AJUBA: variants seen among roughly 807,000 people sequenced by gnomAD.
AJUBA encodes LIM domain-containing protein ajuba.
Under a neutral mutation model 53.3 loss-of-function variants are expected in AJUBA, and 20 were observed. That is an observed-to-expected ratio of 0.38 (90% confidence interval 0.26 to 0.55). The LOEUF (loss-of-function observed/expected upper bound fraction) is 0.55. AJUBA is among the 20% of genes least tolerant of loss of function. AJUBA has a pLI of 0.80. For missense variants in AJUBA, 580 were observed against 730.5 expected (o/e 0.79, Z 2.38); for synonymous variants, 296 against 306.2 (o/e 0.97, Z 0.35).
rs2045113392 is a variant in AJUBA, at chr14:22,982,466, T to C, written c.-200A>G. 7.0e-7 allele frequency: 1 copy of C among 1,426,022 alleles called. No individual in the cohort carries two copies. Among genetic ancestry groups the C allele is most frequent in the Admixed American group, 3.0e-5 (1 of 33,534 alleles). The allele number at this position is 1,426,022 out of a possible 1,614,324, so 88.3% of individuals were successfully genotyped here. A position where few individuals can be genotyped will look rare whatever the true frequency, so the allele number is the denominator to read the frequency against. On this transcript the variant is annotated 5_prime_UTR_variant, in exon 1 of 8. It removes an upstream start codon present in the reference 5' UTR. Coordinates refer to ENST00000262713, the MANE Select transcript of AJUBA (RefSeq NM_032876.6). ...GGGAGGGGCTGCGTCCCCCCGCGCATCTGGGGCTGAGCGGGGCTAGCAGGG... is the reference window on the plus strand; with the variant it reads ...GGGAGGGGCTGCGTCCCCCCGCGCACCTGGGGCTGAGCGGGGCTAGCAGGG...
intron 2 of AJUBA, among the ~76,000 whole-genome samples, chr14:22,978,084 C>T (rs920150876): frequency 5.3e-5 from 8 of 150,790 alleles, no homozygotes; most frequent in Admixed American, 1.3e-4. Flanking sequence ...CAGGGAAGCA[C>T]GAGAGGGAGA....
rs1403174764 is a variant in AJUBA at position 22,971,584 on chromosome 14, A to G, written c.*1859T>C. The stretch of plus-strand genomic sequence containing the variant: ...AATCTGCAGCATTTCAAAAGGATTT[A>G]GCAGATTCACCCTTTTAGTTATTAC... On this transcript the variant is annotated 3_prime_UTR_variant, in exon 8 of 8. Transcript: ENST00000262713. 1.3e-5 allele frequency: 2 copies of G among 152,260 alleles called. No homozygotes were observed. Among genetic ancestry groups the G allele is most frequent in the African/African-American group, 2.4e-5 (1 of 41,480 alleles). The allele number at this position is 152,260 out of a possible 1,614,324, so 9.4% of individuals were successfully genotyped here.
At chr14:22,973,898 CA>C in intron 7 of AJUBA, 148 bp downstream of exon 7, 5 of 973,726 alleles carry the variant, frequency 5.1e-6, no homozygotes, top group Admixed American at 1.9e-5. Flanking sequence ...GGCTGGAGGA[CA>C]AAAAAGAGAC....
chr14:22,975,166 T>C (rs2045023259), intron 4 of AJUBA, 62 bp from the exon 5 acceptor site: 1 of 1,574,704 alleles, frequency 6.4e-7, no homozygotes, highest in South Asian at 1.1e-5. Flanking sequence ...AGCTGCCCAT[T>C]ATGCTCCTTA....
At position 22,971,510 on chromosome 14, in the gene AJUBA, C is replaced by T. The variant is rs933053491; in HGVS notation, c.*1933G>A. On this transcript the variant is annotated 3_prime_UTR_variant, in exon 8 of 8. Coordinates refer to ENST00000262713, the MANE Select transcript of AJUBA (RefSeq NM_032876.6). Reference sequence around the variant, plus strand: ...ATCAAAGATTACTAAATTAATTTGCCTAAAACCAATTCACCTAAAACCAAT... The same window carrying T: ...ATCAAAGATTACTAAATTAATTTGCTTAAAACCAATTCACCTAAAACCAAT... 1 of 152,158 alleles carries T rather than the reference C, an allele frequency of 6.6e-6. No homozygotes were observed. Among genetic ancestry groups the T allele is most frequent in the African/African-American group, 2.4e-5 (1 of 41,436 alleles). 9.4% of individuals were successfully genotyped at this position (152,158 alleles called of 1,614,324 possible).
Position 22,973,572 on chromosome 14 carries a change from G to A in AJUBA, c.1492-4C>T, listed in dbSNP as rs749058533. The A allele has an allele frequency of 6.8e-6, 11 of 1,613,934 alleles. No homozygotes were observed. Among genetic ancestry groups the A allele is most frequent in the Admixed American group, 6.7e-5 (4 of 59,992 alleles). On this transcript the variant is annotated splice_polypyrimidine_tract_variant and splice_region_variant and intron_variant, in intron 7 of 7. Transcript: ENST00000262713. The stretch of plus-strand genomic sequence containing the variant: ...CACTCAGCTGCATCCGGCAGTCCTA[G>A]GGAAGAAGGCACCTAGTTCACCTCA...
In AJUBA at chr14:22,982,448, G is replaced by A; in HGVS notation, c.-182C>T. The A allele has an allele frequency of 7.0e-7, 1 of 1,430,522 alleles. No individual in the cohort carries two copies. 88.6% of individuals were successfully genotyped at this position (1,430,522 alleles called of 1,614,324 possible). A position where few individuals can be genotyped will look rare whatever the true frequency, so the allele number is the denominator to read the frequency against. ...CCCACAGCATCCCCCAGCGGGAGGGGCTGCGTCCCCCCGCGCATCTGGGGC... is the reference window on the plus strand; with the variant it reads ...CCCACAGCATCCCCCAGCGGGAGGGACTGCGTCCCCCCGCGCATCTGGGGC... On this transcript the variant is annotated 5_prime_UTR_variant, in exon 1 of 8. Transcript: ENST00000262713.
intron 6 of AJUBA, 114 bp downstream of exon 6, chr14:22,974,725 A>C (rs2045018258): frequency 8.1e-7 from 1 of 1,230,130 alleles, no homozygotes; most frequent in East Asian, 2.4e-5. Context: ...GAATCTTCAC[A>C]GAGTACATTC....
chr14:22,981,492 G>A lies in AJUBA; in HGVS notation c.775C>T (p.Pro259Ser), dbSNP rs529090199. 2 of 1,595,688 alleles carry A rather than the reference G, an allele frequency of 1.3e-6. No individual in the cohort carries two copies. Among genetic ancestry groups the A allele is most frequent in the African/African-American group, 2.7e-5 (2 of 74,830 alleles). Residue 259 changes from proline (P) to serine (S), a missense_variant, in exon 1 of 8, where the codon CCC (proline) becomes TCC (serine). Physicochemically the swap from Pro to Ser is moderately conservative, Grantham distance 74. This residue lies in a region of AJUBA where 430 missense variants were observed against 471.5 expected (regional missense o/e 0.91). Transcript: ENST00000262713. ...TAGCCGGTCACAGAGTGTCGTCCGG[G>A]TTGCGCCCCCCGTCTCTCCAAGGGC... ...AGPLERRGAQ[P>S]GRHSVTGYGD...
chr14:22,980,699 G>C (rs969987184), intron 1 of AJUBA: 76 of 984,538 alleles, frequency 7.7e-5, no homozygotes, highest in Non-Finnish European at 9.2e-5. Context: ...ACTACTCCGC[G>C]TATGCTAGGG....
At chr14:22,976,621 C>T in intron 3 of AJUBA, 24 bp downstream of exon 3, 2 of 1,613,654 alleles carry the variant, frequency 1.2e-6, no homozygotes, top group Non-Finnish European at 1.7e-6. Flanking sequence ...AAACCAATTC[C>T]AGGTCCAGGT....
At chr14:22,977,780 G>C (rs531160845) in intron 2 of AJUBA, 1 of 152,272 alleles carries the variant, frequency 6.6e-6, no homozygotes, top group African/African-American at 2.4e-5. Context: ...AGTTAAGGCC[G>C]CTGGGAGCAT....
Position 22,978,715 on chromosome 14 carries a change from C to A in AJUBA, c.1007-270G>T, listed in dbSNP as rs3751494. The A allele has an allele frequency of 5.4e-5, 67 of 1,247,882 alleles. No homozygotes were observed. In the East Asian group the frequency reaches 1.6e-3, roughly 29 times the overall value. 77.3% of individuals were successfully genotyped at this position (1,247,882 alleles called of 1,614,324 possible). A position where few individuals can be genotyped will look rare whatever the true frequency, so the allele number is the denominator to read the frequency against. On this transcript the variant is annotated intron_variant, in intron 1 of 7. Transcript: ENST00000262713. ...CTACCTAAGGAAACCTGGAGAAAGT[C>A]GAAGATATGGTCCCTGGCATTCAGA...
In AJUBA at chr14:22,982,462, C is replaced by T; in HGVS notation, c.-196G>A. On this transcript the variant is annotated 5_prime_UTR_variant, in exon 1 of 8. Coordinates refer to ENST00000262713, the MANE Select transcript of AJUBA (RefSeq NM_032876.6). The stretch of plus-strand genomic sequence containing the variant: ...CAGCGGGAGGGGCTGCGTCCCCCCG[C>T]GCATCTGGGGCTGAGCGGGGCTAGC... 2.1e-6 allele frequency: 3 copies of T among 1,427,898 alleles called. No individual in the cohort carries two copies. Among genetic ancestry groups the T allele is most frequent in the East Asian group, 2.6e-5 (1 of 38,064 alleles). The allele number at this position is 1,427,898 out of a possible 1,614,324, so 88.5% of individuals were successfully genotyped here.
rs2044987827 is a variant in AJUBA at position 22,972,064 on chromosome 14, C to T, written c.*1379G>A. On this transcript the variant is annotated 3_prime_UTR_variant, in exon 8 of 8. Transcript: ENST00000262713. ...GACACCTAAATGGATATAAACACAC[C>T]AAAATAGGAATTGAGCTTTTGGCAA... 6.6e-6 allele frequency: 1 copy of T among 152,494 alleles called. No individual in the cohort carries two copies. The highest frequency in any genetic ancestry group is 2.1e-4 in the South Asian group (1 of 4,824). The allele number at this position is 152,494 out of a possible 1,614,324, so 9.4% of individuals were successfully genotyped here.
rs1487054254 is a variant in AJUBA, at chr14:22,979,208, A to C, written c.1007-763T>G. 3.2e-6 allele frequency: 3 copies of C among 932,706 alleles called. No homozygotes were observed. The highest frequency in any genetic ancestry group is 2.6e-6 in the Non-Finnish European group (2 of 782,178). The allele number at this position is 932,706 out of a possible 1,614,324, so 57.8% of individuals were successfully genotyped here. A position where few individuals can be genotyped will look rare whatever the true frequency, so the allele number is the denominator to read the frequency against. ...CAAAATCCCCCACTAAGATATATACACCTGGCTCTGGGACTTGCCTTTCCT... is the reference window on the plus strand; with the variant it reads ...CAAAATCCCCCACTAAGATATATACCCCTGGCTCTGGGACTTGCCTTTCCT... On this transcript the variant is annotated intron_variant, in intron 1 of 7. Coordinates refer to ENST00000262713, the MANE Select transcript of AJUBA (RefSeq NM_032876.6). This position sits in a 1 kb window ranked among gnomAD's most constrained non-coding sequence, Gnocchi z 4.0.
intron 2 of AJUBA, chr14:22,977,001 T>C (rs2045043429): frequency 7.7e-7 from 1 of 1,301,094 alleles, no homozygotes; most frequent in Non-Finnish European, 9.8e-7. Flanking sequence ...TCCTCTCCAG[T>C]GCATAGGAAG....
At position 22,973,508 on chromosome 14, in the gene AJUBA, A is replaced by T; in HGVS notation, c.1552T>A (p.Leu518Met). 6.2e-7 allele frequency: 1 copy of T among 1,614,178 alleles called. No homozygotes were observed. The highest frequency in any genetic ancestry group is 8.5e-7 in the Non-Finnish European group (1 of 1,180,014). The change falls in exon 8 of 8, where the codon TTG becomes ATG. Residue 518 changes from leucine (L) to methionine (M), a missense_variant. Around this residue, in one of 2 missense-constraint regions of AJUBA, gnomAD observed 150 missense variants for 259.0 expected, o/e 0.58. Transcript: ENST00000262713. ...GCCCFPLDGH[L>M]LCHGCHMQRL... ...TGCATGTGGCAACCATGGCAGAGCA[A>T]GTGCCCATCCAGAGGGAAACAGCAG...
At chr14:22,978,479 C>A in intron 1 of AJUBA, 34 bp from the exon 2 acceptor site, 1 of 1,593,202 alleles carries the variant, frequency 6.3e-7, no homozygotes, top group Non-Finnish European at 8.6e-7. Flanking sequence ...TCTACTCCCC[C>A]AGGTCAAAAC....
Sources: allele counts gnomAD v4.1 joint callset (sites outside exome capture counted in the v4.1 genomes callset), GRCh38; gene constraint gnomAD v4.1.1; regional missense constraint gnomAD v4.1.1; non-coding constraint Gnocchi (gnomAD v3.1); transcripts MANE v1.5; gene names NCBI Gene and HGNC (gene_info 2026-07-23, HGNC 2026-07-21).